Variants in SMARCC1 observed in about 807,000 individuals in gnomAD.
SMARCC1 encodes SWI/SNF related BAF chromatin remodeling complex subunit C1, also known as SWI/SNF complex subunit SMARCC1.
Under a neutral mutation model 147.4 loss-of-function variants are expected in SMARCC1, and 43 were observed. That is an observed-to-expected ratio of 0.29 (90% CI 0.23 to 0.38). The LOEUF (loss-of-function observed/expected upper bound fraction) is 0.38. Among genes scored for constraint, SMARCC1 ranks in the 10% least tolerant of loss-of-function variants. The pLI is 1.00. For missense variants in SMARCC1, 1,119 were observed against 1,381.1 expected, an observed-to-expected ratio of 0.81 and a Z score of 3.01; for synonymous variants, 495 against 484.4, an observed-to-expected ratio of 1.02 and a Z score of -0.29.
chr3:47,756,664 C>T (rs937128762), intron 2 of SMARCC1, among the ~76,000 whole-genome samples: 1 of 151,986 alleles, frequency 6.6e-6, no homozygotes, highest in Admixed American at 6.6e-5. Context: ...CAAATGTAGT[C>T]CACTCTTGTT....
At chr3:47,633,741 CAAAAAAAA>C (rs1162764544) in intron 24 of SMARCC1, among the ~76,000 whole-genome samples, 3 of 8,626 alleles carry the variant, frequency 3.5e-4, no homozygotes, top group Admixed American at 3.3e-3. Flanking sequence ...GAGACTGTCT[CAAAAAAAA>C]AAAAAAAAAA....
At chr3:47,731,897 G>T (rs1029280921) in intron 5 of SMARCC1, among the ~76,000 whole-genome samples, 1 of 152,150 alleles carries the variant, frequency 6.6e-6, no homozygotes, top group African/African-American at 2.4e-5. Context: ...AATGGCAAAC[G>T]ACCATTGGCT....
intron 26 of SMARCC1, among the ~76,000 whole-genome samples, chr3:47,597,150 C>CA (rs34360182): frequency 0.022 from 1,573 of 70,326 alleles, 15 homozygotes; most frequent in African/African-American, 0.038. Context: ...GACTCAGTCT[C>CA]AAAAAAAAAA....
At chr3:47,737,238 A>T (rs1433846832) in intron 4 of SMARCC1, among the ~76,000 whole-genome samples, 2 of 152,008 alleles carry the variant, frequency 1.3e-5, no homozygotes, top group Non-Finnish European at 2.9e-5. Flanking sequence ...CAAAAGATAT[A>T]AAAAAATTAG....
In SMARCC1 at chr3:47,622,345, A is replaced by G. The variant is rs1379250007; in HGVS notation, c.2647-4T>C. The G allele has an allele frequency of 6.2e-7, 1 of 1,613,458 alleles. No individual in the cohort carries two copies. The highest frequency in any genetic ancestry group is 8.5e-7 in the Non-Finnish European group (1 of 1,179,726). On this transcript the variant is annotated splice_polypyrimidine_tract_variant and splice_region_variant and intron_variant, in intron 24 of 27. Coordinates refer to ENST00000254480, the MANE Select transcript of SMARCC1 (RefSeq NM_003074.4). ...TTTCTTCCACTGCAGCCAGGTGCTA[A>G]GGGTACAAGATCATTCAAGCTATTT...
chr3:47,675,360 T>C, intron 18 of SMARCC1, 115 bp downstream of exon 18: 1 of 555,466 alleles, frequency 1.8e-6, no homozygotes, highest in South Asian at 2.5e-5. Context: ...AAAGGTAAGA[T>C]AAATCATAAT....
At chr3:47,675,333 A>T in intron 18 of SMARCC1, 142 bp downstream of exon 18, 1 of 457,210 alleles carries the variant, frequency 2.2e-6, no homozygotes, top group Non-Finnish European at 3.9e-6. Context: ...CTATCTACTA[A>T]GTCATATAGG....
In SMARCC1 at chr3:47,777,088, A is replaced by T. The variant is rs999603874; in HGVS notation, c.196-4152T>A. ...TACACCTGGCCTCAGGTAAATATTT[A>T]TTTTTTTTTTTTTGAGAGAGTCTTG... On this transcript the variant is annotated intron_variant, in intron 1 of 27. Coordinates refer to ENST00000254480, the MANE Select transcript of SMARCC1 (RefSeq NM_003074.4). 1.2e-3 allele frequency among the ~76,000 whole-genome samples: 155 copies of T among 131,630 alleles called. 1 individual carries two copies. The highest frequency in any genetic ancestry group is 2.5e-3 in the African/African-American group (90 of 35,496). The allele number at this position is 131,630 out of a possible 152,430, so 86.4% of individuals were successfully genotyped here.
chr3:47,635,448 G>T, intron 23 of SMARCC1, 104 bp from the exon 24 acceptor site: 1 of 979,954 alleles, frequency 1.0e-6, no homozygotes, highest in Non-Finnish European at 1.6e-6. Context: ...ATGACAAAGA[G>T]ATGTCAATGC....
intron 22 of SMARCC1, among the ~76,000 whole-genome samples, chr3:47,638,521 T>C (rs973816413): frequency 2.6e-5 from 4 of 152,210 alleles, no homozygotes; most frequent in Non-Finnish European, 5.9e-5. Context: ...AAGAAGAGGA[T>C]AGGGAGTGAA....
chr3:47,680,369 G>T, intron 15 of SMARCC1, 68 bp downstream of exon 15: 1 of 1,031,480 alleles, frequency 9.7e-7, no homozygotes, highest in Non-Finnish European at 1.5e-6. Context: ...AAGGAACTCA[G>T]GTGGATGCTT....
intron 10 of SMARCC1, among the ~76,000 whole-genome samples, chr3:47,701,985 T>TA (rs200990255): frequency 0.013 from 1,967 of 152,160 alleles, 52 homozygotes; most frequent in African/African-American, 0.044. Flanking sequence ...GGACCTAAAT[T>TA]AGTGTAATAA....
At position 47,588,421 on chromosome 3, in the gene SMARCC1, T is replaced by C. The variant is rs866936253; in HGVS notation, c.3221-115A>G. 9 of 873,742 alleles carry C rather than the reference T, an allele frequency of 1.0e-5. 1 individual carries two copies. The Middle Eastern group carries it at 2.1e-3, about 199-fold the overall frequency. The allele number at this position is 873,742 out of a possible 1,614,324, so 54.1% of individuals were successfully genotyped here. On this transcript the variant is annotated intron_variant, in intron 27 of 27. Transcript: ENST00000254480. ...CCTTTCCTTAGTGGCAGGCAACCAA[T>C]GCACCCTGTGAGGCATTGATTCCAC...
At chr3:47,716,572 C>T (rs1388645589) in intron 7 of SMARCC1, among the ~76,000 whole-genome samples, 2 of 152,106 alleles carry the variant, frequency 1.3e-5, no homozygotes, top group Non-Finnish European at 2.9e-5. Flanking sequence ...GCTGCCACAT[C>T]TTATTCGATA....
chr3:47,771,453 A>AT (rs1249809439), intron 2 of SMARCC1, among the ~76,000 whole-genome samples: 1 of 152,224 alleles, frequency 6.6e-6, no homozygotes, highest in African/African-American at 2.4e-5. Flanking sequence ...ATAAAGGAGT[A>AT]TAAGATAGCA....
chr3:47,771,943 G>A (rs1216660913), intron 2 of SMARCC1, among the ~76,000 whole-genome samples: 7 of 152,004 alleles, frequency 4.6e-5, no homozygotes, highest in South Asian at 2.1e-4. Flanking sequence ...TTAGCTGGGT[G>A]TGGTGGCGCG....
intron 21 of SMARCC1, among the ~76,000 whole-genome samples, chr3:47,656,210 C>CA (rs35722092): frequency 5.3e-5 from 8 of 150,584 alleles, no homozygotes; most frequent in South Asian, 4.2e-4. Flanking sequence ...GACTCCATTT[C>CA]AAAAAAAAAG....
chr3:47,680,384 A>T, intron 15 of SMARCC1, 53 bp downstream of exon 15: 1 of 1,190,190 alleles, frequency 8.4e-7, no homozygotes, highest in Non-Finnish European at 1.2e-6. Context: ...ATGCTTGAAG[A>T]GCCCCTACCG....
chr3:47,625,147 AT>A (rs767880213), intron 24 of SMARCC1, among the ~76,000 whole-genome samples: 776 of 142,998 alleles, frequency 5.4e-3, no homozygotes, highest in Admixed American at 6.8e-3. Flanking sequence ...ATATGTTGGA[AT>A]TTTTTTTTTT....
Sources: gnomAD v4.1 joint callset for allele counts (sites outside exome capture counted in the v4.1 genomes callset) on GRCh38, gnomAD v4.1.1 for gene constraint, MANE v1.5 for transcripts, NCBI Gene and HGNC (gene_info 2026-07-23, HGNC 2026-07-21) for gene names.